Variants in PAPPA2 observed in about 807,000 individuals in gnomAD.
PAPPA2 encodes pappalysin 2.
A neutral mutation model predicts 176.4 loss-of-function variants in PAPPA2; 86 were observed. The observed-to-expected ratio is 0.49, with a 90% CI of 0.41 to 0.58. PAPPA2 has a LOEUF of 0.58. PAPPA2 is among the 20% of genes least tolerant of loss of function. PAPPA2 has a pLI of 0.00. For missense variants in PAPPA2, 2,073 were observed against 2,256.9 expected, an observed-to-expected ratio of 0.92 and a Z score of 1.65; for synonymous variants, 809 against 852.2, an observed-to-expected ratio of 0.95 and a Z score of 0.88.
At chr1:176,676,870 G>C (rs1659325885) in intron 4 of PAPPA2, among the ~76,000 whole-genome samples, 1 of 152,092 alleles carries the variant, frequency 6.6e-6, no homozygotes, top group African/African-American at 2.4e-5. Context: ...GTATAGTTGA[G>C]TAAATGTATC....
Position 176,635,311 on chromosome 1 carries a change from C to G in PAPPA2, c.1992-35659C>G, listed in dbSNP as rs369945570. ...TTTGATGTGGGCTGATATTTTTCTTCTCTTTTTCTTTATAAAAATACACTT... is the reference window on the plus strand; with the variant it reads ...TTTGATGTGGGCTGATATTTTTCTTGTCTTTTTCTTTATAAAAATACACTT... On this transcript the variant is annotated intron_variant, in intron 3 of 22. Transcript: ENST00000367662. Among the ~76,000 whole-genome samples, 7 of 152,242 alleles carry G rather than the reference C, an allele frequency of 4.6e-5. No homozygotes were observed. The East Asian group carries it at 9.6e-4, about 21-fold the overall frequency.
chr1:176,567,604 G>T (rs933705582), intron 2 of PAPPA2, among the ~76,000 whole-genome samples: 7 of 152,196 alleles, frequency 4.6e-5, no homozygotes, highest in Admixed American at 1.3e-4. Flanking sequence ...ACCACATGTT[G>T]GGGAATCAAG....
chr1:176,618,024 G>A (rs1330237429), intron 3 of PAPPA2, among the ~76,000 whole-genome samples: 3 of 152,210 alleles, frequency 2.0e-5, no homozygotes, highest in Admixed American at 6.5e-5. Context: ...TTTTGGAGCT[G>A]TGAGAGTGAT....
intron 1 of PAPPA2, among the ~76,000 whole-genome samples, chr1:176,546,106 C>A (rs888176826): frequency 3.3e-5 from 5 of 152,150 alleles, no homozygotes; most frequent in Admixed American, 1.3e-4. Flanking sequence ...GTAACATGCA[C>A]ACTTTATTTA....
chr1:176,696,934 T>A (rs1660414797), intron 7 of PAPPA2, among the ~76,000 whole-genome samples: 1 of 152,176 alleles, frequency 6.6e-6, no homozygotes, highest in Admixed American at 6.5e-5. Flanking sequence ...TGATTGATTG[T>A]ATATGACTTT....
intron 2 of PAPPA2, among the ~76,000 whole-genome samples, chr1:176,588,697 G>A (rs2102640991): frequency 6.6e-6 from 1 of 152,310 alleles, no homozygotes; most frequent in African/African-American, 2.4e-5. Context: ...TTAGGTGGAG[G>A]GAGGGATGTG....
chr1:176,504,065 A>G (rs892324634), intron 1 of PAPPA2, among the ~76,000 whole-genome samples: 1 of 152,116 alleles, frequency 6.6e-6, no homozygotes, highest in African/African-American at 2.4e-5. Context: ...CCTTAAGTTC[A>G]TCTTGGTTAT....
At chr1:176,529,830 G>A (rs941182284) in intron 1 of PAPPA2, among the ~76,000 whole-genome samples, 1 of 151,758 alleles carries the variant, frequency 6.6e-6, no homozygotes, top group Admixed American at 6.6e-5. Flanking sequence ...GTTTGCATGC[G>A]TTTTGCTACT....
At chr1:176,658,432 A>G (rs1020189045) in intron 3 of PAPPA2, among the ~76,000 whole-genome samples, 3 of 152,060 alleles carry the variant, frequency 2.0e-5, no homozygotes, top group Admixed American at 2.0e-4. Flanking sequence ...TTAAATATCT[A>G]GAAGTAAGAT....
intron 1 of PAPPA2, among the ~76,000 whole-genome samples, chr1:176,464,965 A>G (rs948769245): frequency 6.6e-6 from 1 of 152,208 alleles, no homozygotes; most frequent in African/African-American, 2.4e-5. Flanking sequence ...TGAATTATTC[A>G]TATTTATATT....
intron 12 of PAPPA2, among the ~76,000 whole-genome samples, chr1:176,720,413 C>A (rs1661565827): frequency 6.6e-6 from 1 of 151,864 alleles, no homozygotes; most frequent in Non-Finnish European, 1.5e-5. Context: ...ATATAAAATT[C>A]TCTGTTTTCT....
At chr1:176,508,420 T>C (rs1648414482) in intron 1 of PAPPA2, among the ~76,000 whole-genome samples, 1 of 151,920 alleles carries the variant, frequency 6.6e-6, no homozygotes, top group African/African-American at 2.4e-5. Context: ...AAATGACATA[T>C]AGAGAAAAAC....
intron 4 of PAPPA2, among the ~76,000 whole-genome samples, chr1:176,688,149 CT>C (rs1659936037): frequency 6.6e-6 from 1 of 152,066 alleles, no homozygotes; most frequent in Admixed American, 6.5e-5. Flanking sequence ...TAAGCCAAAA[CT>C]TACTTAGAAG....
chr1:176,712,179 C>G (rs1459550339), intron 12 of PAPPA2, among the ~76,000 whole-genome samples, 198 bp downstream of exon 12: 3 of 152,072 alleles, frequency 2.0e-5, no homozygotes, highest in Non-Finnish European at 2.9e-5. Flanking sequence ...CATGAGTAAT[C>G]AGTTTATCAA....
intron 1 of PAPPA2, among the ~76,000 whole-genome samples, chr1:176,544,753 C>A (rs1450617247): frequency 6.6e-6 from 1 of 152,184 alleles, no homozygotes; most frequent in African/African-American, 2.4e-5. Context: ...AGGTTACCCA[C>A]AACTTCTCTT....
intron 3 of PAPPA2, among the ~76,000 whole-genome samples, chr1:176,608,612 C>A (rs1327798421): frequency 1.3e-5 from 2 of 152,082 alleles, no homozygotes; most frequent in Non-Finnish European, 2.9e-5. Context: ...TTTTGGTACT[C>A]TGTTTTATCG....
At chr1:176,534,795 C>A (rs1179561258) in intron 1 of PAPPA2, among the ~76,000 whole-genome samples, 2 of 152,090 alleles carry the variant, frequency 1.3e-5, no homozygotes, top group African/African-American at 4.8e-5. Flanking sequence ...TGTGCTTCAA[C>A]TGGAAGTATA....
At chr1:176,834,178 T>G (rs2102987205) in intron 21 of PAPPA2, among the ~76,000 whole-genome samples, 1 of 152,316 alleles carries the variant, frequency 6.6e-6, no homozygotes, top group South Asian at 2.1e-4. Flanking sequence ...TGAAAATACA[T>G]TCCAGAGGTT....
At chr1:176,818,876 C>A (rs1228498510) in intron 21 of PAPPA2, among the ~76,000 whole-genome samples, 2 of 152,208 alleles carry the variant, frequency 1.3e-5, no homozygotes, top group Admixed American at 6.5e-5. Context: ...AAAATTGCAA[C>A]CATCTTCACT....
Sources: allele counts gnomAD v4.1 joint callset (sites outside exome capture counted in the v4.1 genomes callset), GRCh38; gene constraint gnomAD v4.1.1; transcripts MANE v1.5; gene names NCBI Gene and HGNC (gene_info 2026-07-23, HGNC 2026-07-21).